MOB3A: variants seen among roughly 807,000 people sequenced by gnomAD.
MOB3A encodes the protein MOB kinase activator 3A, also known as MOB LAK.
A neutral mutation model predicts 17.8 loss-of-function variants in MOB3A; 17 were observed. That is an observed-to-expected ratio of 0.95 (90% CI 0.65 to 1.43). The LOEUF (loss-of-function observed/expected upper bound fraction) is 1.43. MOB3A is among the 40% of genes most tolerant of loss of function. The pLI is 0.00. For missense variants in MOB3A, 333 were observed against 310.8 expected (o/e 1.07, Z -0.54); for synonymous variants, 124 against 133.2 (o/e 0.93, Z 0.48).
rs2017631031 is a variant in MOB3A, at chr19:2,093,043, TGGGGAAG to T, written c.-274+3176_-274+3182del. On this transcript the variant is annotated intron_variant, in intron 1 of 4. Transcript: ENST00000357066. The surrounding 1 kb of genome is among the most constrained non-coding windows in gnomAD (Gnocchi z 4.6). ...GAAAACAGGAACAGAGCTCATCGGCTGGGGAAGGTCTAAAACTCCCCACCTTAAAACC... is the reference window on the plus strand; with the variant it reads ...GAAAACAGGAACAGAGCTCATCGGCTGTCTAAAACTCCCCACCTTAAAACC... Among the ~76,000 whole-genome samples, 1 of 152,108 alleles carries T rather than the reference TGGGGAAG, an allele frequency of 6.6e-6. No homozygotes were observed. The highest frequency in any genetic ancestry group is 2.4e-5 in the African/African-American group (1 of 41,436).
At chr19:2,083,592 G>GTAAAGA (rs1555696312) in intron 2 of MOB3A, among the ~76,000 whole-genome samples, 1 of 152,178 alleles carries the variant, frequency 6.6e-6, no homozygotes, top group Non-Finnish European at 1.5e-5. Context: ...AGAGGAAACC[G>GTAAAGA]TGCAGGCGAG....
chr19:2,095,197 C>T (rs1390967856), intron 1 of MOB3A: 2 of 153,114 alleles, frequency 1.3e-5, no homozygotes, highest in East Asian at 1.9e-4. Context: ...AACAAACAAA[C>T]AAACAAACAA....
intron 1 of MOB3A, among the ~76,000 whole-genome samples, chr19:2,092,360 C>T (rs1398711215): frequency 6.6e-6 from 1 of 152,090 alleles, no homozygotes; most frequent in Non-Finnish European, 1.5e-5. Flanking sequence ...CTTGGCCTCC[C>T]AGAGTGCTGG....
At chr19:2,087,843 CG>C (rs1236648511) in intron 1 of MOB3A, among the ~76,000 whole-genome samples, 1 of 152,212 alleles carries the variant, frequency 6.6e-6, no homozygotes, top group East Asian at 1.9e-4. Context: ...ACTCCTTTCA[CG>C]GAACTTTTTC....
chr19:2,092,615 G>A (rs904892085), intron 1 of MOB3A, among the ~76,000 whole-genome samples: 25 of 151,782 alleles, frequency 1.6e-4, no homozygotes, highest in African/African-American at 3.4e-4. Flanking sequence ...AAAATTAGCC[G>A]GGCGTGGTGG....
chr19:2,078,119 C>G lies in MOB3A; in HGVS notation c.421+21G>C, dbSNP rs755384793. 9 of 1,542,948 alleles carry G rather than the reference C, an allele frequency of 5.8e-6. No homozygotes were observed. The Admixed American group carries it at 1.5e-4, about 26-fold the overall frequency. On this transcript the variant is annotated intron_variant, in intron 3 of 4. Transcript: ENST00000357066. ...TTCTGGAAGGCTCTGTATCCCCGAG[C>G]CCCTGCCAGCTCTGACTCACCAACG... is the stretch of plus-strand genomic sequence containing the variant.
intron 1 of MOB3A, among the ~76,000 whole-genome samples, chr19:2,091,696 T>C (rs2017615948): frequency 6.6e-6 from 1 of 151,550 alleles, no homozygotes; most frequent in South Asian, 2.1e-4. Flanking sequence ...TAAGACCTTT[T>C]TTGTTAAAGA....
chr19:2,080,968 T>G (rs2144924106), intron 2 of MOB3A, among the ~76,000 whole-genome samples: 1 of 152,158 alleles, frequency 6.6e-6, no homozygotes, highest in South Asian at 2.1e-4. Context: ...TGGCAAGACC[T>G]CGTCTCTACA....
At chr19:2,076,036 C>T (rs8100703) in intron 4 of MOB3A, among the ~76,000 whole-genome samples, 70,552 of 147,296 alleles carry the variant, frequency 0.48, 17,346 homozygotes, top group African/African-American at 0.62. Flanking sequence ...GGCAGGAGAA[C>T]TGCTTGAACC....
intron 2 of MOB3A, among the ~76,000 whole-genome samples, chr19:2,083,386 A>G (rs1009947108): frequency 6.6e-6 from 1 of 152,302 alleles, no homozygotes; most frequent in East Asian, 1.9e-4. Flanking sequence ...TGAGCTCTGC[A>G]AGCCACACCT....
chr19:2,084,087 C>G (rs1315881959), intron 2 of MOB3A: 1 of 473,016 alleles, frequency 2.1e-6, no homozygotes, highest in Non-Finnish European at 4.2e-6. Context: ...TTATCTTTGT[C>G]TATATCCTTT....
intron 1 of MOB3A, among the ~76,000 whole-genome samples, chr19:2,090,623 T>C (rs1203578742): frequency 6.6e-6 from 1 of 152,158 alleles, no homozygotes; most frequent in East Asian, 1.9e-4. Context: ...GTGGGACTTA[T>C]GGTCAATGAA....
intron 3 of MOB3A, 80 bp downstream of exon 3, chr19:2,078,060 G>A (rs1445955429): frequency 5.1e-6 from 7 of 1,381,614 alleles, no homozygotes; most frequent in Admixed American, 2.8e-5. Flanking sequence ...CTGGCATTAC[G>A]GGTGTGAGCC....
In MOB3A at chr19:2,073,367, T is replaced by C; in HGVS notation, c.*28A>G. Reference sequence around the variant, plus strand: ...CAAGTCTCCGAGGCCCCAGCGGCGGTTCGGGCACCGGGAGACCCGCGGGGC... The same window carrying C: ...CAAGTCTCCGAGGCCCCAGCGGCGGCTCGGGCACCGGGAGACCCGCGGGGC... On this transcript the variant is annotated 3_prime_UTR_variant, in exon 5 of 5. Coordinates refer to ENST00000357066, the MANE Select transcript of MOB3A (RefSeq NM_130807.3). 6.2e-6 allele frequency: 10 copies of C among 1,612,562 alleles called. No individual in the cohort carries two copies. Among genetic ancestry groups the C allele is most frequent in the Non-Finnish European group, 8.5e-6 (10 of 1,179,746 alleles).
intron 1 of MOB3A, among the ~76,000 whole-genome samples, chr19:2,092,496 G>C (rs1308240498): frequency 6.6e-6 from 1 of 152,146 alleles, no homozygotes; most frequent in Admixed American, 6.5e-5. Flanking sequence ...GGAAAAGGGG[G>C]TGAGGCGCGG....
At chr19:2,079,782 C>T (rs1443692970) in intron 2 of MOB3A, among the ~76,000 whole-genome samples, 2 of 152,208 alleles carry the variant, frequency 1.3e-5, no homozygotes, top group South Asian at 2.1e-4. Flanking sequence ...CCTTCCAGGT[C>T]GGGTCACATG....
rs369496324 is a variant in MOB3A, at chr19:2,091,360, T to C, written c.-274+4866A>G. On this transcript the variant is annotated intron_variant, in intron 1 of 4. Transcript: ENST00000357066. ...ATATCCGATAAGTGCAAAAAATAAGTTGCAAAACAGTATGGATACCCAGAC... is the reference window on the plus strand; with the variant it reads ...ATATCCGATAAGTGCAAAAAATAAGCTGCAAAACAGTATGGATACCCAGAC... Among the ~76,000 whole-genome samples, 53 of 152,264 alleles carry C rather than the reference T, an allele frequency of 3.5e-4. No homozygotes were observed. The East Asian group carries it at 9.7e-3, about 28-fold the overall frequency.
Position 2,078,301 on chromosome 19 carries a change from G to A in MOB3A, c.260C>T (p.Ser87Phe), listed in dbSNP as rs1568252360. The A allele has an allele frequency of 2.5e-6, 4 of 1,614,182 alleles. No individual in the cohort carries two copies. The highest frequency in any genetic ancestry group is 1.3e-5 in the African/African-American group (1 of 75,058). The part of the protein sequence containing the change: ...GTISDGCTEQ[S>F]CPVMSGGPKY... ...GGGGCCCCCCGACATGACGGGGCAGGACTGCTCCGTGCAGCCGTCGCTGAT... is the reference window on the plus strand; with the variant it reads ...GGGGCCCCCCGACATGACGGGGCAGAACTGCTCCGTGCAGCCGTCGCTGAT... Residue 87 changes from serine to phenylalanine, a missense_variant, in exon 3 of 5, where the codon TCC becomes TTC. Coordinates refer to ENST00000357066, the MANE Select transcript of MOB3A (RefSeq NM_130807.3).
chr19:2,083,093 C>T (rs1335661933), intron 2 of MOB3A, among the ~76,000 whole-genome samples: 6 of 152,198 alleles, frequency 3.9e-5, no homozygotes, highest in South Asian at 2.1e-4. Flanking sequence ...GCGATCCATC[C>T]GCCTTAGCCT....
Sources: allele counts gnomAD v4.1 joint callset (sites outside exome capture counted in the v4.1 genomes callset), GRCh38; gene constraint gnomAD v4.1.1; non-coding constraint Gnocchi (gnomAD v3.1); transcripts MANE v1.5; gene names NCBI Gene and HGNC (gene_info 2026-07-23, HGNC 2026-07-21).